Variants in PABPC4L observed in about 807,000 individuals in gnomAD.
PABPC4L encodes the protein poly(A) binding protein cytoplasmic 4 like.
For missense variants in PABPC4L, 452 were observed against 451.4 expected (o/e 1.00, Z -0.01); for synonymous variants, 169 against 164.1 (o/e 1.03, Z -0.23).
the PABPC4L span, among the ~76,000 whole-genome samples, chr4:134,111,385 A>G: frequency 1.2e-3 from 184 of 152,172 alleles, no homozygotes; most frequent in African/African-American, 4.3e-3. Context: ...ATAACAATAT[A>G]TAGACATAGA....
chr4:134,192,521 A>G (rs943742443), downstream of PABPC4L, among the ~76,000 whole-genome samples: 1 of 152,178 alleles, frequency 6.6e-6, no homozygotes, highest in African/African-American at 2.4e-5. Context: ...AAATAAATTT[A>G]TACTATCTGA....
the PABPC4L span, among the ~76,000 whole-genome samples, chr4:133,999,904 T>A: frequency 6.6e-6 from 1 of 152,260 alleles, no homozygotes; most frequent in African/African-American, 2.4e-5. Context: ...TATTAAAATA[T>A]TAAACTTGAT....
chr4:134,098,404 T>A, the PABPC4L span, among the ~76,000 whole-genome samples: 3 of 151,786 alleles, frequency 2.0e-5, no homozygotes, highest in Non-Finnish European at 2.9e-5. Flanking sequence ...CTGTTTCTTT[T>A]GTTTGTTTGT....
the PABPC4L span, among the ~76,000 whole-genome samples, chr4:134,055,495 G>A: frequency 6.6e-6 from 1 of 151,854 alleles, no homozygotes; most frequent in Non-Finnish European, 1.5e-5. Flanking sequence ...CTAAATCTTG[G>A]ACATCTAGCC....
At chr4:133,970,601 C>A in the PABPC4L span, among the ~76,000 whole-genome samples, 3 of 152,148 alleles carry the variant, frequency 2.0e-5, no homozygotes, top group African/African-American at 7.2e-5. Context: ...AGTTCTCTTT[C>A]AGTTGAACCA....
At chr4:134,097,773 C>T in the PABPC4L span, among the ~76,000 whole-genome samples, 1 of 151,874 alleles carries the variant, frequency 6.6e-6, no homozygotes, top group Admixed American at 6.6e-5. Context: ...CTCAAACCAC[C>T]AACCAGTGAA....
chr4:134,047,337 T>A, the PABPC4L span, among the ~76,000 whole-genome samples: 1 of 151,986 alleles, frequency 6.6e-6, no homozygotes, highest in African/African-American at 2.4e-5. Context: ...AGCCTACTCA[T>A]CTCCAGCCCT....
At chr4:133,980,911 AC>A in the PABPC4L span, among the ~76,000 whole-genome samples, 1 of 152,290 alleles carries the variant, frequency 6.6e-6, no homozygotes, top group African/African-American at 2.4e-5. Context: ...TAATCCCAAA[AC>A]TTTGGGAGGC....
chr4:134,134,535 A>G, the PABPC4L span, among the ~76,000 whole-genome samples: 1 of 151,804 alleles, frequency 6.6e-6, no homozygotes, highest in African/African-American at 2.4e-5. Context: ...TCTTAAGTCA[A>G]TTTGTGGCAT....
the PABPC4L span, among the ~76,000 whole-genome samples, chr4:134,022,765 C>T: frequency 1.3e-5 from 2 of 151,882 alleles, no homozygotes; most frequent in Non-Finnish European, 2.9e-5. Context: ...ATTCTCATGT[C>T]TTCTATGCTT....
the PABPC4L span, among the ~76,000 whole-genome samples, chr4:134,166,611 T>G: frequency 6.6e-6 from 1 of 151,998 alleles, no homozygotes; most frequent in Admixed American, 6.6e-5. Flanking sequence ...CTGTGCCTTG[T>G]GCTCACAGGA....
chr4:134,153,885 T>G, the PABPC4L span, among the ~76,000 whole-genome samples: 1 of 150,174 alleles, frequency 6.7e-6, no homozygotes, highest in Non-Finnish European at 1.5e-5. Context: ...TTAATGAGCT[T>G]TTGCTACTTT....
the PABPC4L span, among the ~76,000 whole-genome samples, chr4:134,133,843 A>G: frequency 6.6e-6 from 1 of 151,992 alleles, no homozygotes; most frequent in Non-Finnish European, 1.5e-5. Context: ...TTAAATTAGA[A>G]TTTCTTTGAC....
At chr4:133,951,994 A>G in the PABPC4L span, among the ~76,000 whole-genome samples, 1 of 152,114 alleles carries the variant, frequency 6.6e-6, no homozygotes, top group Admixed American at 6.5e-5. Context: ...GATGTCCTAA[A>G]TATTTAACTT....
chr4:134,063,338 G>T, the PABPC4L span, among the ~76,000 whole-genome samples: 1 of 152,062 alleles, frequency 6.6e-6, no homozygotes, highest in Admixed American at 6.6e-5. Context: ...GCTTTCTCTT[G>T]AATCTCATAT....
At position 134,200,782 on chromosome 4, in the gene PABPC4L, A is replaced by G. The variant is rs1014352659; in HGVS notation, c.238T>C (p.Ser80Pro). ...CGCTGAGACCACATGAGACGGATGG[A>G]TTTGCCTTTTATGATGTCAAAGTTC... ...TMNFDIIKGK[S>P]IRLMWSQRDA... Residue 80 changes from serine (S) to proline (P), a missense_variant, in exon 2 of 2, where the codon TCC becomes CCC. Transcript: ENST00000421491. 7 of 1,551,842 alleles carry G rather than the reference A, an allele frequency of 4.5e-6. No homozygotes were observed. In the Admixed American group the frequency reaches 1.2e-4, roughly 26 times the overall value.
At chr4:134,140,055 T>C in the PABPC4L span, among the ~76,000 whole-genome samples, 2 of 151,894 alleles carry the variant, frequency 1.3e-5, no homozygotes, top group Admixed American at 6.6e-5. Context: ...TTCTGTAAGC[T>C]ATTTTGGTAC....
At chr4:134,180,344 G>GA in the PABPC4L span, among the ~76,000 whole-genome samples, 8 of 149,908 alleles carry the variant, frequency 5.3e-5, no homozygotes, top group Admixed American at 2.7e-4. Context: ...AAATTAATCA[G>GA]AAAAAAAAAT....
chr4:134,175,973 A>G, the PABPC4L span, among the ~76,000 whole-genome samples: 2 of 152,198 alleles, frequency 1.3e-5, no homozygotes, highest in African/African-American at 4.8e-5. Flanking sequence ...AAAAGAATAT[A>G]AAGCTTTTAC....
Sources: gnomAD v4.1 joint callset for allele counts (sites outside exome capture counted in the v4.1 genomes callset) on GRCh38, gnomAD v4.1.1 for gene constraint, MANE v1.5 for transcripts, NCBI Gene and HGNC (gene_info 2026-07-23, HGNC 2026-07-21) for gene names.